Variants in PRICKLE2 observed in about 807,000 individuals in gnomAD.
PRICKLE2 encodes prickle-like protein 2.
In PRICKLE2, 21 loss-of-function variants were observed where a neutral mutation model predicts 81.4. The ratio of observed to expected loss-of-function variants is 0.26; its 90% CI spans 0.18 to 0.37. The LOEUF is 0.37. Among genes scored for constraint, PRICKLE2 ranks in the 10% least tolerant of loss-of-function variants. PRICKLE2 has a pLI of 1.00. For synonymous variants in PRICKLE2, 456 were observed against 421.5 expected (o/e 1.08, Z -1.00); for missense variants, 940 against 1,109.0 (o/e 0.85, Z 2.16).
intron 3 of PRICKLE2, among the ~76,000 whole-genome samples, chr3:64,160,806 C>A (rs1211997510): frequency 2.6e-5 from 4 of 152,158 alleles, no homozygotes; most frequent in Non-Finnish European, 5.9e-5. Context: ...CTTATGCACA[C>A]CTTGGGAATT....
chr3:64,157,593 G>A (rs1376001864), intron 4 of PRICKLE2, among the ~76,000 whole-genome samples: 1 of 152,210 alleles, frequency 6.6e-6, no homozygotes, highest in Non-Finnish European at 1.5e-5. Context: ...TTGGGAGAAT[G>A]AGGAATCACA....
At chr3:64,134,831 A>G (rs2077253833) in intron 7 of PRICKLE2, among the ~76,000 whole-genome samples, 1 of 152,204 alleles carries the variant, frequency 6.6e-6, no homozygotes, top group South Asian at 2.1e-4. Flanking sequence ...GAGTTATTCC[A>G]GTCAGTTTCC....
intron 2 of PRICKLE2, among the ~76,000 whole-genome samples, chr3:64,243,675 C>G (rs946718397): frequency 6.6e-6 from 1 of 152,154 alleles, no homozygotes; most frequent in East Asian, 1.9e-4. Context: ...GCAGATGAAG[C>G]CCTTAGCAGA....
At chr3:64,160,593 G>A (rs6773014) in intron 3 of PRICKLE2, among the ~76,000 whole-genome samples, 288 of 152,342 alleles carry the variant, frequency 1.9e-3, no homozygotes, top group African/African-American at 6.7e-3. Context: ...AAACAAAGGT[G>A]TGAGCCTGAG....
At chr3:64,161,328 T>C (rs773277025) in intron 3 of PRICKLE2, among the ~76,000 whole-genome samples, 13 of 152,240 alleles carry the variant, frequency 8.5e-5, no homozygotes, top group Non-Finnish European at 1.0e-4. Flanking sequence ...TCTCCTGTTA[T>C]ACTTTGGAGT....
chr3:64,138,662 C>A (rs1223607750), intron 7 of PRICKLE2, among the ~76,000 whole-genome samples: 6 of 152,234 alleles, frequency 3.9e-5, no homozygotes, highest in Non-Finnish European at 8.8e-5. Flanking sequence ...AATTCTGACA[C>A]TTCCAAACAA....
chr3:64,193,241 A>T (rs1396601666), intron 2 of PRICKLE2, among the ~76,000 whole-genome samples: 2 of 152,168 alleles, frequency 1.3e-5, no homozygotes, highest in East Asian at 3.9e-4. Context: ...ATGGTGCTCA[A>T]TGATGGTATC....
chr3:64,094,271 A>T lies in PRICKLE2; in HGVS notation c.*4780T>A, dbSNP rs1419226371. ...GTCTATGACAGAATCATGACACTTT[A>T]TGGAAAGATATGAAAATCAACTAGG... On this transcript the variant is annotated 3_prime_UTR_variant, in exon 8 of 8. Transcript: ENST00000638394. 6.6e-6 allele frequency: 1 copy of T among 152,222 alleles called. No individual in the cohort carries two copies. The highest frequency in any genetic ancestry group is 1.5e-5 in the Non-Finnish European group (1 of 68,046). 9.4% of individuals were successfully genotyped at this position (152,222 alleles called of 1,614,324 possible).
intron 5 of PRICKLE2, 101 bp downstream of exon 5, chr3:64,157,061 G>T: frequency 9.3e-7 from 1 of 1,075,068 alleles, no homozygotes; most frequent in Non-Finnish European, 1.4e-6. Context: ...AAATGAAGTT[G>T]CCTATGGCTT....
chr3:64,113,883 T>A (rs1431628138), intron 7 of PRICKLE2, among the ~76,000 whole-genome samples: 5 of 151,922 alleles, frequency 3.3e-5, no homozygotes, highest in Non-Finnish European at 7.4e-5. Flanking sequence ...ACACATAATC[T>A]CCAGCAGGGG....
At chr3:64,208,839 C>T (rs977291103) in intron 1 of PRICKLE2, among the ~76,000 whole-genome samples, 1 of 152,208 alleles carries the variant, frequency 6.6e-6, no homozygotes, top group African/African-American at 2.4e-5. Flanking sequence ...AAAACCAGTG[C>T]TTTCTCCTAC....
intron 2 of PRICKLE2, among the ~76,000 whole-genome samples, chr3:64,257,027 A>C (rs992039697): frequency 1.3e-5 from 2 of 152,182 alleles, no homozygotes; most frequent in African/African-American, 4.8e-5. Context: ...TAAGTTGCCA[A>C]CCTGGTGCCA....
chr3:64,109,301 C>T (rs888408), intron 7 of PRICKLE2, among the ~76,000 whole-genome samples: 7 of 152,136 alleles, frequency 4.6e-5, no homozygotes, highest in Admixed American at 3.3e-4. Context: ...CTCTCAGTGG[C>T]TATCAAGAAC....
intron 2 of PRICKLE2, among the ~76,000 whole-genome samples, chr3:64,245,365 T>C (rs1161453449): frequency 1.3e-5 from 2 of 152,178 alleles, no homozygotes; most frequent in Non-Finnish European, 1.5e-5. Context: ...AAGTCTTTTT[T>C]TGTAGTCACG....
At position 64,099,629 on chromosome 3, in the gene PRICKLE2, T is replaced by C; in HGVS notation, c.1957A>G (p.Lys653Glu). The change falls in exon 8 of 8, where the codon AAG (lysine) becomes GAG (glutamate). Residue 653 changes from lysine to glutamate, a missense_variant. Around this residue, in one of 2 missense-constraint regions of PRICKLE2, gnomAD observed 670 missense variants for 717.2 expected, o/e 0.93. Coordinates refer to ENST00000638394, the MANE Select transcript of PRICKLE2 (RefSeq NM_198859.4). The surrounding 1 kb of genome is among the most constrained non-coding windows in gnomAD (Gnocchi z 4.3). ...FDFDGGMAGS[K>E]LPGQEGVRIQ... Reference sequence around the variant, plus strand: ...CTCACGCCCTCCTGCCCTGGCAGCTTGCTGCCCGCCATCCCTCCATCAAAA... The same window carrying C: ...CTCACGCCCTCCTGCCCTGGCAGCTCGCTGCCCGCCATCCCTCCATCAAAA... The C allele has an allele frequency of 6.2e-7, 1 of 1,614,066 alleles. No homozygotes were observed. The highest frequency in any genetic ancestry group is 8.5e-7 in the Non-Finnish European group (1 of 1,180,028).
rs1348100945 is a variant in PRICKLE2 at position 64,099,243 on chromosome 3, A to G, written c.2343T>C (p.Ser781=). The change falls in exon 8 of 8, where the codon TCT becomes TCC. Residue 781 remains serine, a synonymous_variant. Coordinates refer to ENST00000638394, the MANE Select transcript of PRICKLE2 (RefSeq NM_198859.4). This position sits in a 1 kb window ranked among gnomAD's most constrained non-coding sequence, Gnocchi z 4.3. ...AATAGCCCTCGTTGTCAGACTCTGAAGAGGAGGAGCAGGTGGAACACCAAT... is the reference window on the plus strand; with the variant it reads ...AATAGCCCTCGTTGTCAGACTCTGAGGAGGAGGAGCAGGTGGAACACCAAT... ...EYDWCSTCSS[S]SESDNEGYFL... 2 of 1,614,174 alleles carry G rather than the reference A, an allele frequency of 1.2e-6. No homozygotes were observed. The highest frequency in any genetic ancestry group is 3.3e-5 in the Admixed American group (2 of 60,024).
At chr3:64,198,999 AG>A (rs1453789327) in intron 1 of PRICKLE2, 32 bp from the exon 2 acceptor site, 2 of 1,606,966 alleles carry the variant, frequency 1.2e-6, no homozygotes, top group East Asian at 4.5e-5. Flanking sequence ...GGTGAGAAAG[AG>A]GAAAAAACCT....
At chr3:64,211,955 T>C (rs1575672396) in intron 1 of PRICKLE2, among the ~76,000 whole-genome samples, 1 of 152,190 alleles carries the variant, frequency 6.6e-6, no homozygotes, top group Admixed American at 6.5e-5. Flanking sequence ...TCTAGGATGG[T>C]AACAAGATGG....
intron 7 of PRICKLE2, among the ~76,000 whole-genome samples, chr3:64,117,887 T>G (rs960530402): frequency 1.1e-4 from 16 of 152,008 alleles, no homozygotes; most frequent in African/African-American, 3.6e-4. Flanking sequence ...AGAGCCCAAA[T>G]AGCCAAGACA....
Sources: allele counts gnomAD v4.1 joint callset (sites outside exome capture counted in the v4.1 genomes callset), GRCh38; gene constraint gnomAD v4.1.1; regional missense constraint gnomAD v4.1.1; non-coding constraint Gnocchi (gnomAD v3.1); transcripts MANE v1.5; gene names NCBI Gene and HGNC (gene_info 2026-07-23, HGNC 2026-07-21).